CHRM3: variants seen among roughly 807,000 people sequenced by gnomAD.
CHRM3 encodes cholinergic receptor muscarinic 3.
A neutral mutation model predicts 41.8 loss-of-function variants in CHRM3; 11 were observed. The observed-to-expected ratio is 0.26, with a 90% CI of 0.17 to 0.44. The LOEUF (loss-of-function observed/expected upper bound fraction) is 0.44, where lower values mean the gene tolerates loss of function less well. Ranked by LOEUF, CHRM3 falls within the 20% of genes least tolerant of loss-of-function variation. The pLI, the probability that CHRM3 is intolerant of heterozygous loss-of-function variation, is 1.00. For missense variants in CHRM3, 571 were observed against 745.4 expected, an observed-to-expected ratio of 0.77 and a Z score of 2.72; for synonymous variants, 297 against 301.4, an observed-to-expected ratio of 0.99 and a Z score of 0.15.
At chr1:239,448,889 A>G (rs1163856862) in intron 1 of CHRM3, among the ~76,000 whole-genome samples, 4 of 152,222 alleles carry the variant, frequency 2.6e-5, no homozygotes, top group South Asian at 4.1e-4. Context: ...CTCTTCAAAC[A>G]TCAACATTAG....
intron 4 of CHRM3, among the ~76,000 whole-genome samples, chr1:239,645,232 G>A (rs1048140187): frequency 1.2e-4 from 18 of 152,174 alleles, no homozygotes; most frequent in African/African-American, 4.3e-4. Flanking sequence ...TGAGGACTAG[G>A]GCCCCTGCCC....
At chr1:239,744,431 G>C (rs645248) in intron 5 of CHRM3, among the ~76,000 whole-genome samples, 147,018 of 152,208 alleles carry the variant, frequency 0.97, 71,215 homozygotes, top group Middle Eastern at 1. Context: ...CAGGGAAAGC[G>C]TCACTGAGAG....
intron 5 of CHRM3, among the ~76,000 whole-genome samples, chr1:239,756,981 A>G (rs1407455636): frequency 1.3e-5 from 2 of 152,154 alleles, no homozygotes; most frequent in Non-Finnish European, 2.9e-5. Context: ...GTGATCACTG[A>G]AGAGTTTTAT....
chr1:239,540,311 G>A (rs1034243242), intron 2 of CHRM3, among the ~76,000 whole-genome samples: 1 of 151,264 alleles, frequency 6.6e-6, no homozygotes, highest in East Asian at 2.0e-4. Flanking sequence ...TAATCGGGAA[G>A]TGTTAAGGTA....
At chr1:239,717,513 A>T (rs1662504710) in intron 5 of CHRM3, among the ~76,000 whole-genome samples, 1 of 152,026 alleles carries the variant, frequency 6.6e-6, no homozygotes, top group South Asian at 2.1e-4. Flanking sequence ...ATCTTAGTAA[A>T]TAATGACTAA....
intron 5 of CHRM3, among the ~76,000 whole-genome samples, chr1:239,810,284 G>T (rs948597079): frequency 6.6e-6 from 1 of 152,130 alleles, no homozygotes; most frequent in Admixed American, 6.5e-5. Flanking sequence ...GAATGCGGGG[G>T]GACTTGAGGG....
intron 3 of CHRM3, among the ~76,000 whole-genome samples, chr1:239,605,673 A>G (rs897130411): frequency 3.9e-5 from 6 of 152,200 alleles, no homozygotes; most frequent in Non-Finnish European, 8.8e-5. Flanking sequence ...TTTACAATGT[A>G]TAACCATATC....
chr1:239,444,736 C>T (rs1050598850), intron 1 of CHRM3, among the ~76,000 whole-genome samples: 16 of 151,948 alleles, frequency 1.1e-4, no homozygotes, highest in Non-Finnish European at 1.8e-4. Context: ...CAAACAGATA[C>T]AAAATATACG....
rs547919411 is a variant in CHRM3, at chr1:239,570,640, C to T, written c.-313+24891C>T. 9.9e-5 allele frequency among the ~76,000 whole-genome samples: 15 copies of T among 152,222 alleles called. No homozygotes were observed. In the South Asian group the frequency reaches 1.2e-3, roughly 13 times the overall value. Reference sequence around the variant, plus strand: ...TTTGCTTGCAGCTGAGCATTGATTACGGCCATTGTTTCAAATAACTGACAG... The same window carrying T: ...TTTGCTTGCAGCTGAGCATTGATTATGGCCATTGTTTCAAATAACTGACAG... On this transcript the variant is annotated intron_variant, in intron 3 of 6. Coordinates refer to ENST00000676153, the MANE Select transcript of CHRM3 (RefSeq NM_001375978.1).
At chr1:239,745,391 G>A (rs975429836) in intron 5 of CHRM3, among the ~76,000 whole-genome samples, 20 of 151,966 alleles carry the variant, frequency 1.3e-4, no homozygotes, top group East Asian at 5.8e-4. Flanking sequence ...ATGGTCACGC[G>A]GTATGCAAGT....
chr1:239,786,016 A>G (rs1274415163), intron 5 of CHRM3, among the ~76,000 whole-genome samples: 1 of 152,204 alleles, frequency 6.6e-6, no homozygotes, highest in Non-Finnish European at 1.5e-5. Flanking sequence ...AATATTGATC[A>G]GTCTAATATT....
At chr1:239,752,887 G>A (rs752735615) in intron 5 of CHRM3, among the ~76,000 whole-genome samples, 11 of 152,068 alleles carry the variant, frequency 7.2e-5, no homozygotes, top group Non-Finnish European at 1.2e-4. Context: ...TAGGGTCAGG[G>A]TTTAAAGGGT....
chr1:239,782,929 A>G (rs1452127834), intron 5 of CHRM3, among the ~76,000 whole-genome samples: 1 of 151,718 alleles, frequency 6.6e-6, no homozygotes, highest in African/African-American at 2.4e-5. Flanking sequence ...AGCTATAGTT[A>G]TTGTTTTTTA....
chr1:239,531,698 C>G (rs1670427682), intron 2 of CHRM3, among the ~76,000 whole-genome samples: 1 of 112,954 alleles, frequency 8.9e-6, no homozygotes, highest in Non-Finnish European at 1.6e-5. Context: ...CTCGCTCTGT[C>G]GCCCAGGCTG....
chr1:239,639,389 C>T (rs1455813718), intron 4 of CHRM3, among the ~76,000 whole-genome samples: 6 of 152,148 alleles, frequency 3.9e-5, no homozygotes, highest in African/African-American at 1.4e-4. Flanking sequence ...ATTCTTCCTA[C>T]CCATGAGCAT....
chr1:239,800,985 T>C (rs1233363592), intron 5 of CHRM3, among the ~76,000 whole-genome samples: 2 of 152,136 alleles, frequency 1.3e-5, no homozygotes, highest in Non-Finnish European at 2.9e-5. Flanking sequence ...TTATTTTCTC[T>C]TAGGGATAAT....
At chr1:239,842,236 T>G (rs917540778) in intron 6 of CHRM3, among the ~76,000 whole-genome samples, 11 of 150,002 alleles carry the variant, frequency 7.3e-5, no homozygotes, top group Non-Finnish European at 1.6e-4. Context: ...TTGAGGGGGT[T>G]GGGGGGACAG....
intron 2 of CHRM3, among the ~76,000 whole-genome samples, chr1:239,509,820 G>T (rs1484421117): frequency 6.6e-6 from 1 of 152,112 alleles, no homozygotes; most frequent in African/African-American, 2.4e-5. Context: ...AGGTGTGTTG[G>T]CTCACGCCTG....
At chr1:239,856,599 G>T (rs1267861033) in intron 6 of CHRM3, among the ~76,000 whole-genome samples, 1 of 152,124 alleles carries the variant, frequency 6.6e-6, no homozygotes, top group African/African-American at 2.4e-5. Context: ...GTCTTGGGTA[G>T]TTCTTTATTA....
Sources: gnomAD v4.1 joint callset for allele counts (sites outside exome capture counted in the v4.1 genomes callset) on GRCh38, gnomAD v4.1.1 for gene constraint, MANE v1.5 for transcripts, NCBI Gene and HGNC (gene_info 2026-07-23, HGNC 2026-07-21) for gene names.